MAN1A2: variants seen among roughly 807,000 people sequenced by gnomAD.
The protein encoded by MAN1A2 is mannosyl-oligosaccharide 1,2-alpha-mannosidase IB.
MAN1A2 carries 26 observed loss-of-function variants against 75.7 expected under a neutral mutation model. That is an observed-to-expected ratio of 0.34 (90% CI 0.25 to 0.48). The LOEUF (loss-of-function observed/expected upper bound fraction) is 0.48. MAN1A2 is among the 20% of genes least tolerant of loss of function. MAN1A2 has a pLI of 0.99. For synonymous variants in MAN1A2, 247 were observed against 264.6 expected (o/e 0.93, Z 0.65); for missense variants, 562 against 775.5 (o/e 0.72, Z 3.27).
chr1:117,519,093 TC>T (rs1651798887), intron 12 of MAN1A2, among the ~76,000 whole-genome samples: 1 of 151,796 alleles, frequency 6.6e-6, no homozygotes, highest in African/African-American at 2.4e-5. Context: ...GAGCATTGAG[TC>T]AAAAACGAAA....
chr1:117,430,230 CGG>C (rs1648577667), intron 5 of MAN1A2, among the ~76,000 whole-genome samples: 2 of 113,664 alleles, frequency 1.8e-5, no homozygotes, highest in Admixed American at 7.8e-5. Context: ...ACCTCCCTCC[CGG>C]ACGGCACGGC....
At chr1:117,483,119 C>G (rs1447551985) in intron 8 of MAN1A2, among the ~76,000 whole-genome samples, 1 of 152,056 alleles carries the variant, frequency 6.6e-6, no homozygotes, top group Admixed American at 6.6e-5. Context: ...GGTACCAATA[C>G]CATGCTGTTT....
At chr1:117,461,013 A>T (rs1310190835) in intron 7 of MAN1A2, among the ~76,000 whole-genome samples, 2 of 152,200 alleles carry the variant, frequency 1.3e-5, no homozygotes, top group Non-Finnish European at 2.9e-5. Context: ...CTATATTTAA[A>T]TTACTAGAAA....
At position 117,377,448 on chromosome 1, in the gene MAN1A2, A is replaced by G. The variant is rs181221775; in HGVS notation, c.302+8963A>G. 8.5e-5 allele frequency among the ~76,000 whole-genome samples: 13 copies of G among 152,336 alleles called. No homozygotes were observed. The East Asian group carries it at 2.5e-3, about 29-fold the overall frequency. On this transcript the variant is annotated intron_variant, in intron 1 of 12. Transcript: ENST00000356554. ...ACTTATAGTGCATATTCTTTGATTC[A>G]GCAATCCTTCTAGGGATTTATCCTT...
At chr1:117,409,732 A>G (rs1647745264) in intron 3 of MAN1A2, among the ~76,000 whole-genome samples, 1 of 151,912 alleles carries the variant, frequency 6.6e-6, no homozygotes, top group Non-Finnish European at 1.5e-5. Flanking sequence ...AATTTGAGGT[A>G]CTCTTGTCAG....
intron 5 of MAN1A2, among the ~76,000 whole-genome samples, chr1:117,429,598 C>T (rs1570736516): frequency 8.6e-6 from 1 of 115,818 alleles, no homozygotes; most frequent in African/African-American, 3.4e-5. Context: ...CCCCACCTCC[C>T]TCCCGGATGG....
At chr1:117,490,488 C>T (rs1475393) in intron 8 of MAN1A2, among the ~76,000 whole-genome samples, 2 of 151,892 alleles carry the variant, frequency 1.3e-5, no homozygotes, top group Non-Finnish European at 2.9e-5. Context: ...TACCAACTAG[C>T]CATTTCCCTG....
At chr1:117,501,856 G>A (rs1297841920) in intron 11 of MAN1A2, among the ~76,000 whole-genome samples, 1 of 151,786 alleles carries the variant, frequency 6.6e-6, no homozygotes, top group African/African-American at 2.4e-5. Flanking sequence ...GGTTAGTTAA[G>A]TAACCATGCC....
intron 1 of MAN1A2, among the ~76,000 whole-genome samples, chr1:117,374,552 A>T (rs553789384): frequency 2.0e-5 from 3 of 152,114 alleles, no homozygotes; most frequent in African/African-American, 7.2e-5. Context: ...CTTTCCAATG[A>T]TCTGTTTTTG....
chr1:117,452,642 G>A (rs1649459372), intron 6 of MAN1A2, among the ~76,000 whole-genome samples: 1 of 152,210 alleles, frequency 6.6e-6, no homozygotes. Flanking sequence ...AGAGAGGTGA[G>A]GAAGCTGCAG....
At chr1:117,426,560 C>G (rs1231511102) in intron 5 of MAN1A2, among the ~76,000 whole-genome samples, 1 of 152,096 alleles carries the variant, frequency 6.6e-6, no homozygotes, top group East Asian at 1.9e-4. Context: ...CCTTAAACAT[C>G]CTCAGAACAC....
chr1:117,384,939 G>A (rs1316006596), intron 1 of MAN1A2, among the ~76,000 whole-genome samples: 1 of 152,144 alleles, frequency 6.6e-6, no homozygotes, highest in Admixed American at 6.5e-5. Flanking sequence ...CCAGCATCAT[G>A]AAGCATAGAC....
chr1:117,373,605 G>A (rs180749325), intron 1 of MAN1A2, among the ~76,000 whole-genome samples: 1 of 151,620 alleles, frequency 6.6e-6, no homozygotes, highest in Admixed American at 6.6e-5. Context: ...AGCCTTCTGA[G>A]TAGCTGAAAC....
chr1:117,519,866 GACAT>G (rs1303160612), intron 12 of MAN1A2, among the ~76,000 whole-genome samples: 1 of 151,846 alleles, frequency 6.6e-6, no homozygotes, highest in Non-Finnish European at 1.5e-5. Context: ...ACCAGGAAAG[GACAT>G]ACCCAAAAAA....
At chr1:117,408,332 G>A (rs756599741) in intron 3 of MAN1A2, among the ~76,000 whole-genome samples, 5 of 149,334 alleles carry the variant, frequency 3.3e-5, no homozygotes, top group Admixed American at 3.3e-4. Flanking sequence ...AGCAGAATGA[G>A]TTCTTTCTAT....
intron 3 of MAN1A2, among the ~76,000 whole-genome samples, chr1:117,413,382 A>T (rs1647885422): frequency 6.6e-6 from 1 of 151,982 alleles, no homozygotes; most frequent in African/African-American, 2.4e-5. Flanking sequence ...GAAGAAAACA[A>T]TTTCTACTCA....
intron 1 of MAN1A2, among the ~76,000 whole-genome samples, chr1:117,378,350 A>G (rs1408389398): frequency 6.6e-6 from 1 of 152,070 alleles, no homozygotes; most frequent in Non-Finnish European, 1.5e-5. Flanking sequence ...ACAGTTTTTC[A>G]TGTTTTTAAA....
chr1:117,413,021 G>A (rs1047067860), intron 3 of MAN1A2, among the ~76,000 whole-genome samples: 14 of 151,858 alleles, frequency 9.2e-5, no homozygotes, highest in African/African-American at 3.4e-4. Flanking sequence ...AATAAGTTTG[G>A]TAAATGTTTT....
intron 1 of MAN1A2, among the ~76,000 whole-genome samples, chr1:117,378,362 A>G (rs1314044476): frequency 6.6e-6 from 1 of 152,110 alleles, no homozygotes; most frequent in Non-Finnish European, 1.5e-5. Context: ...GTTTTTAAAC[A>G]TTATTTATCA....
Sources: allele counts gnomAD v4.1 joint callset (sites outside exome capture counted in the v4.1 genomes callset), GRCh38; gene constraint gnomAD v4.1.1; transcripts MANE v1.5; gene names NCBI Gene and HGNC (gene_info 2026-07-23, HGNC 2026-07-21).